PDE10A: variants seen among roughly 807,000 people sequenced by gnomAD.
PDE10A encodes phosphodiesterase 10A, also known as cAMP and cAMP-inhibited cGMP 3',5'-cyclic phosphodiesterase 10A.
A neutral mutation model predicts 97.7 loss-of-function variants in PDE10A; 39 were observed. The observed-to-expected ratio is 0.40, with a 90% CI of 0.31 to 0.52. The LOEUF (loss-of-function observed/expected upper bound fraction) is 0.52. PDE10A is among the 20% of genes least tolerant of loss of function. PDE10A has a pLI of 0.56. For synonymous variants in PDE10A, 371 were observed against 376.8 expected, an observed-to-expected ratio of 0.98 and a Z score of 0.18; for missense variants, 731 against 1,047.8, an observed-to-expected ratio of 0.70 and a Z score of 4.17.
At chr6:165,407,444 T>C (rs1408597716) in intron 13 of PDE10A, among the ~76,000 whole-genome samples, 1 of 152,174 alleles carries the variant, frequency 6.6e-6, no homozygotes, top group East Asian at 1.9e-4. Context: ...TGGGAGAACA[T>C]ACAAAAAGAG....
At chr6:165,832,909 G>T (rs1182608196) in intron 1 of PDE10A, among the ~76,000 whole-genome samples, 2 of 152,188 alleles carry the variant, frequency 1.3e-5, no homozygotes, top group African/African-American at 2.4e-5. Flanking sequence ...AGGTTGGCGA[G>T]GACTCTTTCA....
chr6:165,385,257 T>G (rs1344729356), intron 17 of PDE10A, among the ~76,000 whole-genome samples: 1 of 152,008 alleles, frequency 6.6e-6, no homozygotes, highest in African/African-American at 2.4e-5. Flanking sequence ...CCTGCATTCC[T>G]GGGTCAATGA....
chr6:165,851,287 A>C (rs1302294525), intron 1 of PDE10A, among the ~76,000 whole-genome samples: 1 of 152,222 alleles, frequency 6.6e-6, no homozygotes, highest in Admixed American at 6.5e-5. Context: ...CTTCATATGT[A>C]TTGATTTGGA....
intron 1 of PDE10A, among the ~76,000 whole-genome samples, chr6:165,705,217 T>C (rs571451579): frequency 6.6e-6 from 1 of 152,332 alleles, no homozygotes; most frequent in South Asian, 2.1e-4. Context: ...ACAGGTGAGG[T>C]TAAGACCAGG....
intron 2 of PDE10A, among the ~76,000 whole-genome samples, chr6:165,527,132 A>G (rs1283706081): frequency 6.6e-6 from 1 of 152,240 alleles, no homozygotes; most frequent in East Asian, 1.9e-4. Flanking sequence ...GGGCCTATCA[A>G]GATATTCCCT....
At chr6:165,572,170 T>C (rs1367267016) in intron 1 of PDE10A, among the ~76,000 whole-genome samples, 1 of 152,244 alleles carries the variant, frequency 6.6e-6, no homozygotes, top group African/African-American at 2.4e-5. Context: ...AGAGCAAGTT[T>C]AGTGCTTGAA....
At chr6:165,829,956 C>T (rs574802912) in intron 1 of PDE10A, among the ~76,000 whole-genome samples, 1 of 152,086 alleles carries the variant, frequency 6.6e-6, no homozygotes, top group South Asian at 2.1e-4. Flanking sequence ...AAATGTACAA[C>T]ACGGACAACT....
intron 20 of PDE10A, among the ~76,000 whole-genome samples, chr6:165,338,720 C>T (rs1025132249): frequency 6.6e-6 from 1 of 152,046 alleles, no homozygotes; most frequent in East Asian, 1.9e-4. Flanking sequence ...ATTCATCCAC[C>T]CCCTCTATTT....
intron 2 of PDE10A, among the ~76,000 whole-genome samples, chr6:165,523,010 A>G (rs1782221436): frequency 6.6e-6 from 1 of 151,822 alleles, no homozygotes; most frequent in Non-Finnish European, 1.5e-5. Context: ...CAAGAATGCA[A>G]TCCCATTTAC....
intron 2 of PDE10A, among the ~76,000 whole-genome samples, chr6:165,518,743 A>C (rs1054551628): frequency 3.3e-5 from 5 of 152,208 alleles, no homozygotes; most frequent in Non-Finnish European, 7.3e-5. Flanking sequence ...TTTTCTGTCC[A>C]TGAAACCGTG....
chr6:165,890,541 A>G (rs1326984498), intron 1 of PDE10A, among the ~76,000 whole-genome samples: 1 of 152,152 alleles, frequency 6.6e-6, no homozygotes, highest in Non-Finnish European at 1.5e-5. Context: ...TCTGCTTATG[A>G]CAAAAACATT....
At position 165,327,873 on chromosome 6, in the gene PDE10A, A is replaced by G. The variant is rs906819850; in HGVS notation, c.*5152T>C. On this transcript the variant is annotated 3_prime_UTR_variant, in exon 22 of 22. Coordinates refer to ENST00000539869, the MANE Select transcript of PDE10A (RefSeq NM_001385079.1). ...TCATGAGCATTGTATTTGTGATGGCATATAACCTGTGTTACTCTCCAGTAG... is the reference window on the plus strand; with the variant it reads ...TCATGAGCATTGTATTTGTGATGGCGTATAACCTGTGTTACTCTCCAGTAG... 1 of 152,252 alleles carries G rather than the reference A, an allele frequency of 6.6e-6. No individual in the cohort carries two copies. The highest frequency in any genetic ancestry group is 2.1e-4 in the South Asian group (1 of 4,834). 9.4% of individuals were successfully genotyped at this position (152,252 alleles called of 1,614,324 possible). A position where few individuals can be genotyped will look rare whatever the true frequency, so the allele number is the denominator to read the frequency against.
chr6:165,843,919 C>T (rs1780331613), intron 1 of PDE10A, among the ~76,000 whole-genome samples: 1 of 152,166 alleles, frequency 6.6e-6, no homozygotes, highest in Non-Finnish European at 1.5e-5. Context: ...GAAGCCCACA[C>T]CTGGAGCAGC....
At chr6:165,481,389 T>G (rs1583373534) in intron 3 of PDE10A, among the ~76,000 whole-genome samples, 1 of 152,086 alleles carries the variant, frequency 6.6e-6, no homozygotes, top group East Asian at 1.9e-4. Flanking sequence ...ACACAAGGAA[T>G]TCTTCCCTCC....
chr6:165,557,342 C>T (rs191012056), intron 1 of PDE10A, among the ~76,000 whole-genome samples: 1 of 152,124 alleles, frequency 6.6e-6, no homozygotes, highest in African/African-American at 2.4e-5. Context: ...TAATTAATAA[C>T]CTTCATGATC....
intron 1 of PDE10A, among the ~76,000 whole-genome samples, chr6:165,798,844 A>T (rs1778900509): frequency 6.6e-6 from 1 of 152,032 alleles, no homozygotes; most frequent in African/African-American, 2.4e-5. Context: ...AGTAGCTGGG[A>T]TTACAAGCAC....
Position 165,346,258 on chromosome 6 carries a change from G to A in PDE10A, c.2784-2756C>T, listed in dbSNP as rs553552486. Among the ~76,000 whole-genome samples the A allele has an allele frequency of 9.2e-5, 14 of 152,288 alleles. No homozygotes were observed. In the South Asian group the frequency reaches 1.7e-3, roughly 18 times the overall value. ...GATCACTTAGGAGAACCCTACAGTA[G>A]TTCAGATGAGAGGTGAGGGCAGCTT... On this transcript the variant is annotated intron_variant, in intron 18 of 21. Coordinates refer to ENST00000539869, the MANE Select transcript of PDE10A (RefSeq NM_001385079.1).
At chr6:165,475,926 T>C (rs573321743) in intron 3 of PDE10A, among the ~76,000 whole-genome samples, 2 of 152,318 alleles carry the variant, frequency 1.3e-5, no homozygotes, top group South Asian at 2.1e-4. Context: ...CCTGTGAGAA[T>C]GTCCACAACT....
intron 1 of PDE10A, among the ~76,000 whole-genome samples, chr6:165,836,665 G>C (rs1780070936): frequency 6.6e-6 from 1 of 152,210 alleles, no homozygotes; most frequent in African/African-American, 2.4e-5. Flanking sequence ...AGAAATGACA[G>C]GTTCAGATTG....
Sources: gnomAD v4.1 joint callset for allele counts (sites outside exome capture counted in the v4.1 genomes callset) on GRCh38, gnomAD v4.1.1 for gene constraint, MANE v1.5 for transcripts, NCBI Gene and HGNC (gene_info 2026-07-23, HGNC 2026-07-21) for gene names.